The following CDH17 variants were observed in gnomAD, a reference collection of about 807,000 sequenced individuals.
The protein encoded by CDH17 is cadherin-17.
Under a neutral mutation model 86.3 loss-of-function variants are expected in CDH17, and 67 were observed. The observed-to-expected ratio is 0.78, with a 90% CI of 0.64 to 0.95. The LOEUF (loss-of-function observed/expected upper bound fraction) is 0.95. CDH17 is among the 40% of genes least tolerant of loss of function. The pLI, the probability that CDH17 is intolerant of heterozygous loss-of-function variation, is 0.00. For synonymous variants in CDH17, 367 were observed against 366.4 expected (o/e 1.00, Z -0.02); for missense variants, 993 against 1,017.6 (o/e 0.98, Z 0.33).
At chr8:94,191,259 A>G (rs572570779) in intron 2 of CDH17, among the ~76,000 whole-genome samples, 1 of 152,164 alleles carries the variant, frequency 6.6e-6, no homozygotes, top group Non-Finnish European at 1.5e-5. Flanking sequence ...GAACCCTGAG[A>G]GGACAAACCA....
At chr8:94,142,967 T>A (rs1273556732) in intron 15 of CDH17, among the ~76,000 whole-genome samples, 19 of 152,216 alleles carry the variant, frequency 1.2e-4, no homozygotes, top group Admixed American at 1.2e-3. Context: ...AAACTCCTAC[T>A]AATGTGTATA....
chr8:94,148,741 T>A lies in CDH17; in HGVS notation c.1927+3A>T. 2.2e-6 allele frequency: 3 copies of A among 1,361,046 alleles called. No homozygotes were observed. Among genetic ancestry groups the A allele is most frequent in the Non-Finnish European group, 2.9e-6 (3 of 1,025,286 alleles). 84.3% of individuals were successfully genotyped at this position (1,361,046 alleles called of 1,614,324 possible). A position where few individuals can be genotyped will look rare whatever the true frequency, so the allele number is the denominator to read the frequency against. On this transcript the variant is annotated splice_donor_region_variant and intron_variant, in intron 14 of 17. Coordinates refer to ENST00000027335, the MANE Select transcript of CDH17 (RefSeq NM_004063.4). ...TTTTTGTTTTTTTTTTTTTTTTGCT[T>A]ACCTACTTCTGTGGCCACCACTTGT...
At position 94,186,130 on chromosome 8, in the gene CDH17, A is replaced by G. The variant is rs113524163; in HGVS notation, c.150+3057T>C. 3.6e-3 allele frequency among the ~76,000 whole-genome samples: 549 copies of G among 152,138 alleles called. 2 individuals are homozygous for G. Among genetic ancestry groups the G allele is most frequent in the African/African-American group, 0.012 (513 of 41,484 alleles). Reference sequence around the variant, plus strand: ...GCACCTATATAAGGAAGTCTCCCCAATCTGTATCTCCTGACCCATATTAAC... The same window carrying G: ...GCACCTATATAAGGAAGTCTCCCCAGTCTGTATCTCCTGACCCATATTAAC... On this transcript the variant is annotated intron_variant, in intron 3 of 17. Transcript: ENST00000027335.
intron 1 of CDH17, chr8:94,203,026 C>A: frequency 4.4e-6 from 1 of 227,444 alleles, no homozygotes; most frequent in South Asian, 5.8e-5. Flanking sequence ...CCTTAGTATC[C>A]GGCTTCTCAA....
intron 1 of CDH17, among the ~76,000 whole-genome samples, chr8:94,199,075 ATATATATATTTT>A (rs1272548861): frequency 1.0e-3 from 10 of 9,920 alleles, no homozygotes; most frequent in East Asian, 4.1e-3. Flanking sequence ...ATATATATAT[ATATATATATTTT>A]TTTTTTTTTA....
chr8:94,151,738 A>G (rs1448834978), intron 13 of CDH17, 130 bp downstream of exon 13: 41 of 1,250,774 alleles, frequency 3.3e-5, no homozygotes, highest in Non-Finnish European at 4.2e-5. Context: ...TTCCTAAACC[A>G]AAGCCAATTT....
At chr8:94,200,531 TC>T (rs1254484714) in intron 1 of CDH17, among the ~76,000 whole-genome samples, 40 of 106,930 alleles carry the variant, frequency 3.7e-4, no homozygotes, top group Non-Finnish European at 4.8e-4. Flanking sequence ...ATTATTATTA[TC>T]TTTTGTTTTT....
intron 2 of CDH17, among the ~76,000 whole-genome samples, chr8:94,193,555 T>G (rs890492834): frequency 5.3e-5 from 8 of 152,170 alleles, no homozygotes; most frequent in African/African-American, 1.7e-4. Flanking sequence ...ACTCACCAAA[T>G]TCTTATCACT....
At chr8:94,198,531 C>T (rs1813830019) in intron 1 of CDH17, among the ~76,000 whole-genome samples, 1 of 152,132 alleles carries the variant, frequency 6.6e-6, no homozygotes, top group Non-Finnish European at 1.5e-5. Context: ...CCTGTATTTG[C>T]TTAATACAAG....
intron 9 of CDH17, among the ~76,000 whole-genome samples, chr8:94,168,108 A>ATG (rs1813193304): frequency 2.9e-4 from 3 of 10,488 alleles, no homozygotes; most frequent in African/African-American, 8.9e-4. Context: ...ATATATATAT[A>ATG]TATATATATA....
chr8:94,212,950 C>G (rs1330650633), upstream of CDH17, among the ~76,000 whole-genome samples: 1 of 152,216 alleles, frequency 6.6e-6, no homozygotes, highest in Admixed American at 6.5e-5. Flanking sequence ...AACTGAAGTT[C>G]ACTAAAACTG....
rs1264908524 is a variant in CDH17 at position 94,130,976 on chromosome 8, C to G, written c.2184G>C (p.Leu728=). 1 of 1,590,278 alleles carries G rather than the reference C, an allele frequency of 6.3e-7. No individual in the cohort carries two copies. Among genetic ancestry groups the G allele is most frequent in the Non-Finnish European group, 8.6e-7 (1 of 1,158,524 alleles). ...CCTCAAACTCTGTGTGCCTGGTAGA[C>G]AGTCGGGCATGAGTACCTGCCAGGA... is the stretch of plus-strand genomic sequence containing the variant. ...VSKINGTHAR[L]STRHTEFEER... The change falls in exon 16 of 18, where the codon CTG becomes CTC. Residue 728 remains leucine, a synonymous_variant. Coordinates refer to ENST00000027335, the MANE Select transcript of CDH17 (RefSeq NM_004063.4).
intron 9 of CDH17, 36 bp from the exon 10 acceptor site, chr8:94,166,012 AG>A (rs1563576030): frequency 8.0e-6 from 10 of 1,249,502 alleles, no homozygotes; most frequent in Non-Finnish European, 1.1e-5. Flanking sequence ...CCACCATTAC[AG>A]GCTCCACATA....
chr8:94,212,738 A>C (rs1195561573), upstream of CDH17, among the ~76,000 whole-genome samples: 1 of 152,132 alleles, frequency 6.6e-6, no homozygotes, highest in African/African-American at 2.4e-5. Flanking sequence ...AAGTGGACCC[A>C]CTTTGTACTT....
chr8:94,211,020 CAAAAA>C (rs59090058), upstream of CDH17, among the ~76,000 whole-genome samples: 2 of 91,900 alleles, frequency 2.2e-5, no homozygotes, highest in Non-Finnish European at 4.7e-5. Context: ...GACTGCATCT[CAAAAA>C]AAAAAAAAAA....
rs946492779 is a variant in CDH17, at chr8:94,145,847, G to A, written c.2167+81C>T. ...AGCATGAAAGAAAGCTCTTTGCTGA[G>A]TACAGCAAACCCACCAAGTTAAATA... is the stretch of plus-strand genomic sequence containing the variant. On this transcript the variant is annotated intron_variant, in intron 15 of 17. Transcript: ENST00000027335. 4.2e-6 allele frequency: 6 copies of A among 1,441,694 alleles called. No individual in the cohort carries two copies. In the Admixed American group the frequency reaches 1.1e-4, roughly 28 times the overall value. The allele number at this position is 1,441,694 out of a possible 1,614,324, so 89.3% of individuals were successfully genotyped here.
chr8:94,191,153 A>ATT (rs71680648), intron 2 of CDH17, among the ~76,000 whole-genome samples: 22 of 151,674 alleles, frequency 1.5e-4, no homozygotes, highest in South Asian at 1.0e-3. Flanking sequence ...CATATTCCTG[A>ATT]TTTTAAAAAA....
chr8:94,192,325 A>G (rs890435467), intron 2 of CDH17, among the ~76,000 whole-genome samples: 1 of 152,220 alleles, frequency 6.6e-6, no homozygotes, highest in Non-Finnish European at 1.5e-5. Context: ...TTTATGCAGG[A>G]GTTGGAGGGA....
intron 8 of CDH17, 100 bp downstream of exon 8, chr8:94,170,754 G>A: frequency 7.0e-7 from 1 of 1,420,586 alleles, no homozygotes; most frequent in South Asian, 1.4e-5. Flanking sequence ...TCTGAAATGT[G>A]TGTTTTTTTT....
Sources: allele counts gnomAD v4.1 joint callset (sites outside exome capture counted in the v4.1 genomes callset), GRCh38; gene constraint gnomAD v4.1.1; transcripts MANE v1.5; gene names NCBI Gene and HGNC (gene_info 2026-07-23, HGNC 2026-07-21).